Variants in EPB41L5 observed in about 807,000 individuals in gnomAD.
EPB41L5 encodes the protein erythrocyte membrane protein band 4.1 like 5, also known as band 4.1-like protein 5.
EPB41L5 carries 55 observed loss-of-function variants against 106.6 expected under a neutral mutation model. The ratio of observed to expected loss-of-function variants is 0.52; its 90% CI spans 0.42 to 0.65. The LOEUF (loss-of-function observed/expected upper bound fraction) is 0.65, where lower values mean the gene tolerates loss of function less well. Among genes scored for constraint, EPB41L5 ranks in the 30% least tolerant of loss-of-function variants. The pLI is 0.00. For synonymous variants in EPB41L5, 297 were observed against 306.7 expected (o/e 0.97, Z 0.33); for missense variants, 871 against 882.1 (o/e 0.99, Z 0.16).
chr2:120,157,700 C>T (rs564764211), intron 20 of EPB41L5, among the ~76,000 whole-genome samples: 4 of 144,786 alleles, frequency 2.8e-5, no homozygotes, highest in African/African-American at 1.0e-4. Flanking sequence ...ACCTGGGAGG[C>T]GGAGGTTGCA....
At chr2:120,165,124 G>GC (rs1687334008) in intron 22 of EPB41L5, among the ~76,000 whole-genome samples, 1 of 152,060 alleles carries the variant, frequency 6.6e-6, no homozygotes, top group African/African-American at 2.4e-5. Flanking sequence ...GTCTCTATAA[G>GC]CCTTTTATAA....
intron 7 of EPB41L5, 38 bp from the exon 8 acceptor site, chr2:120,076,923 AAGGATTTAGC>A: frequency 3.3e-6 from 5 of 1,494,884 alleles, no homozygotes; most frequent in Non-Finnish European, 3.6e-6. Flanking sequence ...ATGGTTTTTG[AAGGATTTAGC>A]AGGAAATACA....
intron 17 of EPB41L5, among the ~76,000 whole-genome samples, chr2:120,128,255 A>AC (rs1476758892): frequency 3.0e-5 from 4 of 132,268 alleles, no homozygotes; most frequent in African/African-American, 5.6e-5. Flanking sequence ...TGGTGCTTTA[A>AC]AACACACACA....
intron 3 of EPB41L5, among the ~76,000 whole-genome samples, chr2:120,070,528 C>A (rs917727282): frequency 3.3e-5 from 5 of 151,264 alleles, no homozygotes; most frequent in Non-Finnish European, 5.9e-5. Flanking sequence ...GACACAACAA[C>A]AACAACAAAA....
chr2:120,046,711 G>T (rs1679804495), intron 3 of EPB41L5, among the ~76,000 whole-genome samples: 1 of 152,098 alleles, frequency 6.6e-6, no homozygotes, highest in South Asian at 2.1e-4. Context: ...TGCTTTTGGT[G>T]TTTTAGACAT....
chr2:120,029,837 T>C (rs922765558), intron 2 of EPB41L5, among the ~76,000 whole-genome samples: 1 of 152,212 alleles, frequency 6.6e-6, no homozygotes, highest in Non-Finnish European at 1.5e-5. Flanking sequence ...CCTGCCTGCA[T>C]GCATACACTC....
intron 2 of EPB41L5, among the ~76,000 whole-genome samples, chr2:120,030,266 C>T (rs1451574691): frequency 6.6e-6 from 1 of 152,164 alleles, no homozygotes; most frequent in East Asian, 1.9e-4. Context: ...TGAGAAATTA[C>T]AGTTTAGGGG....
chr2:120,030,955 C>A (rs1347798244), intron 2 of EPB41L5, among the ~76,000 whole-genome samples: 1 of 152,030 alleles, frequency 6.6e-6, no homozygotes, highest in Non-Finnish European at 1.5e-5. Context: ...TGGCTCACTG[C>A]AGCCTCTGCC....
At chr2:120,140,525 C>G (rs996622458) in intron 18 of EPB41L5, among the ~76,000 whole-genome samples, 4 of 151,966 alleles carry the variant, frequency 2.6e-5, no homozygotes, top group African/African-American at 9.7e-5. Context: ...CTTGCCTTAA[C>G]TCTAGTCAAC....
At chr2:120,101,358 C>CT (rs1039929442) in intron 16 of EPB41L5, among the ~76,000 whole-genome samples, 6 of 152,084 alleles carry the variant, frequency 3.9e-5, no homozygotes, top group Non-Finnish European at 5.9e-5. Flanking sequence ...CTTCCAGGTT[C>CT]TTTTTTTAGA....
At chr2:120,022,347 C>T (rs561828122) in intron 2 of EPB41L5, among the ~76,000 whole-genome samples, 8 of 151,950 alleles carry the variant, frequency 5.3e-5, no homozygotes, top group South Asian at 2.1e-4. Context: ...CCCCACCCCC[C>T]GACAGGCCCT....
chr2:120,028,191 T>C (rs1320765093), intron 2 of EPB41L5, among the ~76,000 whole-genome samples: 1 of 151,712 alleles, frequency 6.6e-6, no homozygotes, highest in Non-Finnish European at 1.5e-5. Flanking sequence ...TTAAAAAGAA[T>C]GCATTGATTT....
chr2:120,127,279 G>A (rs939369947), intron 16 of EPB41L5, among the ~76,000 whole-genome samples: 14 of 152,130 alleles, frequency 9.2e-5, no homozygotes, highest in African/African-American at 3.1e-4. Context: ...AACCATTTGA[G>A]ATAAAAACTT....
chr2:120,096,815 G>A (rs1410636403), intron 14 of EPB41L5, among the ~76,000 whole-genome samples: 1 of 152,022 alleles, frequency 6.6e-6, no homozygotes, highest in Non-Finnish European at 1.5e-5. Context: ...AAAGAAAAAT[G>A]GAGTAATGTT....
At chr2:120,163,960 T>TTTTTTTA (rs148279488) in intron 21 of EPB41L5, among the ~76,000 whole-genome samples, 4 of 131,780 alleles carry the variant, frequency 3.0e-5, no homozygotes, top group Admixed American at 8.2e-5. Context: ...AAACAACTTT[T>TTTTTTTA]TTTTATTTTT....
intron 2 of EPB41L5, among the ~76,000 whole-genome samples, chr2:120,028,115 C>T (rs1574481720): frequency 1.3e-5 from 2 of 152,094 alleles, no homozygotes; most frequent in South Asian, 2.1e-4. Context: ...CCACCCGCCT[C>T]GGCCTCCCAA....
chr2:120,046,670 C>T (rs893109520), intron 3 of EPB41L5, among the ~76,000 whole-genome samples: 1 of 152,080 alleles, frequency 6.6e-6, no homozygotes, highest in Non-Finnish European at 1.5e-5. Context: ...TTAATTAGAT[C>T]TCATTTGCCA....
At chr2:120,121,567 A>G (rs775538100) in intron 16 of EPB41L5, among the ~76,000 whole-genome samples, 4 of 152,192 alleles carry the variant, frequency 2.6e-5, no homozygotes, top group Non-Finnish European at 4.4e-5. Context: ...TCCATGGTGT[A>G]TATGTGCCAC....
intron 20 of EPB41L5, among the ~76,000 whole-genome samples, chr2:120,154,068 T>G (rs1686795357): frequency 6.6e-6 from 1 of 152,072 alleles, no homozygotes; most frequent in African/African-American, 2.4e-5. Context: ...TTCCTCAGTT[T>G]CTCCATTACT....
Sources: allele counts gnomAD v4.1 joint callset (sites outside exome capture counted in the v4.1 genomes callset), GRCh38; gene constraint gnomAD v4.1.1; transcripts MANE v1.5; gene names NCBI Gene and HGNC (gene_info 2026-07-23, HGNC 2026-07-21).